The following OCA2 variants were observed in gnomAD, a reference collection of about 807,000 sequenced individuals.
The protein encoded by OCA2 is P protein.
In OCA2, 77 loss-of-function variants were observed where a neutral mutation model predicts 100.2. That is an observed-to-expected ratio of 0.77 (90% CI 0.64 to 0.93). OCA2 has a LOEUF of 0.93. Ranked by LOEUF, OCA2 falls within the 40% of genes least tolerant of loss-of-function variation. The pLI is 0.00. For synonymous variants in OCA2, 432 were observed against 439.2 expected (o/e 0.98, Z 0.21); for missense variants, 1,062 against 1,089.1 (o/e 0.98, Z 0.35).
chr15:27,970,163 A>T (rs1027016925), intron 14 of OCA2, among the ~76,000 whole-genome samples: 1 of 152,022 alleles, frequency 6.6e-6, no homozygotes, highest in Admixed American at 6.5e-5. Context: ...AGATCCCAGC[A>T]AGCTGAAAAC....
intron 19 of OCA2, among the ~76,000 whole-genome samples, chr15:27,900,331 T>A (rs2037877972): frequency 1.3e-5 from 2 of 152,054 alleles, no homozygotes; most frequent in Admixed American, 1.3e-4. Flanking sequence ...ACATTCTTAC[T>A]AGCAACACCT....
At chr15:27,720,176 G>C in the OCA2 span, among the ~76,000 whole-genome samples, 1 of 151,988 alleles carries the variant, frequency 6.6e-6, no homozygotes, top group East Asian at 1.9e-4. Context: ...GCATTCCATC[G>C]CATCCTCCTT....
intron 15 of OCA2, among the ~76,000 whole-genome samples, chr15:27,961,027 G>C (rs2040394660): frequency 6.6e-6 from 1 of 152,030 alleles, no homozygotes; most frequent in Middle Eastern, 3.2e-3. Context: ...CCTATAGAAT[G>C]GCAGAAAATT....
intron 18 of OCA2, among the ~76,000 whole-genome samples, chr15:27,945,064 G>A (rs2039784378): frequency 6.6e-6 from 1 of 152,172 alleles, no homozygotes; most frequent in Non-Finnish European, 1.5e-5. Flanking sequence ...TGCATGTGTT[G>A]TACAAATGCA....
At chr15:28,029,848 G>T (rs574321814) in intron 3 of OCA2, among the ~76,000 whole-genome samples, 1 of 152,180 alleles carries the variant, frequency 6.6e-6, no homozygotes, top group African/African-American at 2.4e-5. Context: ...ACCTTAATTA[G>T]CTTCATGCAA....
chr15:27,893,719 T>C (rs1314243345), intron 19 of OCA2, among the ~76,000 whole-genome samples: 1 of 152,176 alleles, frequency 6.6e-6, no homozygotes, highest in African/African-American at 2.4e-5. Context: ...GGTAAATTTG[T>C]AGTCAGACCA....
Position 27,795,416 on chromosome 15 carries a change from G to A in OCA2, c.2433-39944C>T, listed in dbSNP as rs573907274. Among the ~76,000 whole-genome samples the A allele has an allele frequency of 6.0e-5, 9 of 151,188 alleles. No homozygotes were observed. In the South Asian group the frequency reaches 6.4e-4, roughly 11 times the overall value. On this transcript the variant is annotated intron_variant, in intron 23 of 23. Coordinates refer to ENST00000354638, the MANE Select transcript of OCA2 (RefSeq NM_000275.3). ...CTTCTCTGTCACAATAAATGGCACC[G>A]CTGTTGACCCAGTTTCTCCACCCAC... is the stretch of plus-strand genomic sequence containing the variant.
At chr15:27,889,326 A>G (rs2037360649) in intron 19 of OCA2, among the ~76,000 whole-genome samples, 1 of 152,162 alleles carries the variant, frequency 6.6e-6, no homozygotes, top group African/African-American at 2.4e-5. Flanking sequence ...TAGTAGGATA[A>G]TGTGGGAGCA....
At chr15:27,945,156 A>G (rs899920814) in intron 18 of OCA2, among the ~76,000 whole-genome samples, 1 of 152,216 alleles carries the variant, frequency 6.6e-6, no homozygotes, top group Non-Finnish European at 1.5e-5. Flanking sequence ...AACATATATT[A>G]GGAAGCCTTG....
chr15:27,936,708 T>C (rs1401637509), intron 18 of OCA2, among the ~76,000 whole-genome samples: 3 of 152,052 alleles, frequency 2.0e-5, no homozygotes, highest in Non-Finnish European at 2.9e-5. Flanking sequence ...ACCAGGAAGA[T>C]TGAGCTCCAG....
At chr15:27,839,114 T>C (rs1474844497) in intron 23 of OCA2, among the ~76,000 whole-genome samples, 2 of 152,172 alleles carry the variant, frequency 1.3e-5, no homozygotes, top group Non-Finnish European at 2.9e-5. Flanking sequence ...AGTGGTCATT[T>C]AGGCAAGAGG....
intron 23 of OCA2, among the ~76,000 whole-genome samples, chr15:27,831,284 C>CA (rs71132824): frequency 0.19 from 11,881 of 62,464 alleles, 1,917 homozygotes; most frequent in Non-Finnish European, 0.27. Flanking sequence ...GACTCCGTCT[C>CA]AAAAAAAAAA....
chr15:28,090,182 G>A (rs1278915974), intron 1 of OCA2, among the ~76,000 whole-genome samples: 1 of 152,078 alleles, frequency 6.6e-6, no homozygotes, highest in Non-Finnish European at 1.5e-5. Context: ...CAAAACAACA[G>A]AGCTGCAAAA....
chr15:27,804,961 C>T (rs1033182275), intron 23 of OCA2, among the ~76,000 whole-genome samples: 7 of 152,272 alleles, frequency 4.6e-5, no homozygotes, highest in African/African-American at 1.7e-4. Flanking sequence ...CAGACCCCCG[C>T]TGGACGTGCA....
At chr15:28,018,350 A>G (rs2141259198) in intron 7 of OCA2, 47 bp downstream of exon 7, 2 of 1,580,258 alleles carry the variant, frequency 1.3e-6, no homozygotes, top group Non-Finnish European at 8.7e-7. Context: ...TTATTATGAG[A>G]TGAAATGAGA....
the OCA2 span, among the ~76,000 whole-genome samples, chr15:27,726,266 C>T: frequency 6.6e-6 from 1 of 152,044 alleles, no homozygotes; most frequent in South Asian, 2.1e-4. Context: ...CCACTACACT[C>T]TAGCCTGGGC....
At chr15:27,916,792 A>G (rs144853352) in intron 19 of OCA2, among the ~76,000 whole-genome samples, 1 of 152,318 alleles carries the variant, frequency 6.6e-6, no homozygotes, top group East Asian at 1.9e-4. Flanking sequence ...TTTTCCAAAA[A>G]ATAGAACACA....
At chr15:27,838,037 C>G (rs1185677555) in intron 23 of OCA2, among the ~76,000 whole-genome samples, 1 of 152,144 alleles carries the variant, frequency 6.6e-6, no homozygotes, top group African/African-American at 2.4e-5. Flanking sequence ...CTGCCCCGTG[C>G]AAGGCTTTCC....
intron 23 of OCA2, among the ~76,000 whole-genome samples, chr15:27,780,160 A>G (rs1414151888): frequency 6.6e-6 from 1 of 152,204 alleles, no homozygotes; most frequent in East Asian, 1.9e-4. Flanking sequence ...CCCTAAAACA[A>G]CCAGGCCCTC....
Sources: allele counts gnomAD v4.1 joint callset (sites outside exome capture counted in the v4.1 genomes callset), GRCh38; gene constraint gnomAD v4.1.1; transcripts MANE v1.5; gene names NCBI Gene and HGNC (gene_info 2026-07-23, HGNC 2026-07-21).